SCYL2: variants seen among roughly 807,000 people sequenced by gnomAD.
SCYL2 encodes the protein SCY1 like pseudokinase 2.
Under a neutral mutation model 100.4 loss-of-function variants are expected in SCYL2, and 36 were observed. The observed-to-expected ratio is 0.36, with a 90% CI of 0.27 to 0.47. The LOEUF (loss-of-function observed/expected upper bound fraction) is 0.47. Ranked by LOEUF, SCYL2 falls within the 20% of genes least tolerant of loss-of-function variation. SCYL2 has a pLI of 1.00. For synonymous variants in SCYL2, 330 were observed against 359.2 expected (o/e 0.92, Z 0.92); for missense variants, 902 against 1,083.9 (o/e 0.83, Z 2.36).
At chr12:100,303,462 G>A (rs950787255) in intron 4 of SCYL2, among the ~76,000 whole-genome samples, 2 of 151,382 alleles carry the variant, frequency 1.3e-5, no homozygotes, top group Admixed American at 6.6e-5. Flanking sequence ...TGATGTTGAT[G>A]TTTTCTGTTG....
In SCYL2 at chr12:100,314,531, T is replaced by A; in HGVS notation, c.1012T>A (p.Phe338Ile). ...TGTTGGTGCAGTAACACTGCAATAT[T>A]TTGATACCTTATTCCAAAGAGATAA... ...DDVGAVTLQYFDTLFQRDNLQ... is the reference protein window; with the variant it reads ...DDVGAVTLQYIDTLFQRDNLQ... The change falls in exon 8 of 18, where the codon TTT (phenylalanine) becomes ATT (isoleucine). Residue 338 changes from phenylalanine to isoleucine, a missense_variant. By Grantham distance (21) the Phe-to-Ile change is conservative (BLOSUM62 0). Coordinates refer to ENST00000360820, the MANE Select transcript of SCYL2 (RefSeq NM_017988.6). The A allele has an allele frequency of 6.3e-7, 1 of 1,596,846 alleles. No individual in the cohort carries two copies. Among genetic ancestry groups the A allele is most frequent in the Non-Finnish European group, 8.5e-7 (1 of 1,171,706 alleles).
chr12:100,318,827 T>G (rs144984816), intron 10 of SCYL2, among the ~76,000 whole-genome samples: 68 of 152,324 alleles, frequency 4.5e-4, no homozygotes, highest in East Asian at 4.2e-3. Context: ...GTTATAACTT[T>G]TGTTCCACAA....
chr12:100,326,548 A>C, intron 11 of SCYL2, 74 bp from the exon 12 acceptor site: 1 of 1,047,324 alleles, frequency 9.5e-7, no homozygotes, highest in Non-Finnish European at 1.4e-6. Context: ...TATGAAGATT[A>C]AGTTTACACT....
intron 13 of SCYL2, among the ~76,000 whole-genome samples, chr12:100,329,609 T>C (rs964503199): frequency 1.3e-5 from 2 of 151,982 alleles, no homozygotes; most frequent in Non-Finnish European, 2.9e-5. Flanking sequence ...GTTTGGGGAG[T>C]ATATTCATTA....
chr12:100,316,982 C>G (rs1208480172), intron 9 of SCYL2, among the ~76,000 whole-genome samples: 3 of 152,104 alleles, frequency 2.0e-5, no homozygotes, highest in South Asian at 2.1e-4. Flanking sequence ...GTGGTCCCAG[C>G]TACTCAGGAG....
intron 3 of SCYL2, among the ~76,000 whole-genome samples, chr12:100,295,838 G>A (rs1332526914): frequency 1.3e-5 from 2 of 151,998 alleles, no homozygotes; most frequent in Non-Finnish European, 2.9e-5. Flanking sequence ...GAGCTGCAAG[G>A]GGAATGGACA....
intron 11 of SCYL2, 157 bp downstream of exon 11, chr12:100,323,795 C>T: frequency 2.2e-6 from 1 of 445,892 alleles, no homozygotes; most frequent in Non-Finnish European, 3.9e-6. Context: ...CTGTAGTTTT[C>T]TTTGATACAT....
chr12:100,319,262 C>T (rs765103869), intron 10 of SCYL2: 3 of 455,798 alleles, frequency 6.6e-6, no homozygotes, highest in South Asian at 4.6e-5. Context: ...TGCCTTTGTC[C>T]AAATGACATG....
At chr12:100,334,015 A>G (rs1450996545) in intron 13 of SCYL2, 151 bp from the exon 14 acceptor site, 1 of 535,006 alleles carries the variant, frequency 1.9e-6, no homozygotes, top group Non-Finnish European at 3.3e-6. Flanking sequence ...ATTTAAATGT[A>G]TCATTCTTAT....
At chr12:100,274,157 G>A (rs988598362) in intron 1 of SCYL2, among the ~76,000 whole-genome samples, 21 of 152,154 alleles carry the variant, frequency 1.4e-4, no homozygotes, top group African/African-American at 4.8e-4. Flanking sequence ...AGAAGAAAGT[G>A]GGTTATATTT....
intron 4 of SCYL2, among the ~76,000 whole-genome samples, chr12:100,309,170 T>C (rs1357649934): frequency 1.3e-5 from 2 of 151,962 alleles, no homozygotes; most frequent in Admixed American, 6.6e-5. Context: ...TAAAATTTGG[T>C]GTTCCTGCGC....
At chr12:100,311,279 C>G (rs1265060268) in intron 5 of SCYL2, 86 bp downstream of exon 5, 1 of 1,358,434 alleles carries the variant, frequency 7.4e-7, no homozygotes, top group Non-Finnish European at 9.9e-7. Context: ...CTATGTGGTA[C>G]AGTGGTATGT....
intron 4 of SCYL2, among the ~76,000 whole-genome samples, chr12:100,300,385 A>G (rs954578183): frequency 2.0e-5 from 3 of 152,194 alleles, no homozygotes; most frequent in African/African-American, 7.2e-5. Flanking sequence ...CATAGTAGGT[A>G]TATATACTTA....
At chr12:100,335,223 A>G (rs768701501) in intron 14 of SCYL2, among the ~76,000 whole-genome samples, 24 of 152,186 alleles carry the variant, frequency 1.6e-4, no homozygotes, top group South Asian at 4.1e-4. Flanking sequence ...AATCTTACCT[A>G]TTTCTCAGGA....
rs1839865632 is a variant in SCYL2, at chr12:100,314,499, T to G, written c.980T>G (p.Phe327Cys). 6.3e-7 allele frequency: 1 copy of G among 1,581,432 alleles called. No individual in the cohort carries two copies. Among genetic ancestry groups the G allele is most frequent in the African/African-American group, 1.4e-5 (1 of 73,568 alleles). Residue 327 changes from phenylalanine (F) to cysteine (C), a missense_variant, in exon 8 of 18, where the codon TTT (phenylalanine) becomes TGT (cysteine). Coordinates refer to ENST00000360820, the MANE Select transcript of SCYL2 (RefSeq NM_017988.6). The stretch of plus-strand genomic sequence containing the variant: ...TTCCATTTTTTTTAGATTCCCTTCT[T>G]TGATGATGTTGGTGCAGTAACACTG... The part of the protein sequence containing the change: ...DADQMTKIPF[F>C]DDVGAVTLQY...
intron 14 of SCYL2, 33 bp downstream of exon 14, chr12:100,334,299 C>T (rs181672002): frequency 8.7e-5 from 103 of 1,187,396 alleles, no homozygotes; most frequent in Middle Eastern, 1.9e-4. Context: ...ATATGTGGTC[C>T]GGGAGTGAAA....
rs1416486930 is a variant in SCYL2, at chr12:100,329,274, T to G, written c.1716T>G (p.Pro572=). The change falls in exon 13 of 18, where the codon CCT becomes CCG. Residue 572 remains proline (P), a synonymous_variant. Coordinates refer to ENST00000360820, the MANE Select transcript of SCYL2 (RefSeq NM_017988.6). ...TKEQLAGKVL[P]HLIPLSIENN... ...AGCAGCTGGCCGGAAAAGTGTTGCCTCATCTTATTCCCCTGAGTATTGAAA... is the reference window on the plus strand; with the variant it reads ...AGCAGCTGGCCGGAAAAGTGTTGCCGCATCTTATTCCCCTGAGTATTGAAA... 6.2e-7 allele frequency: 1 copy of G among 1,605,208 alleles called. No homozygotes were observed. Among genetic ancestry groups the G allele is most frequent in the Non-Finnish European group, 8.5e-7 (1 of 1,172,140 alleles).
At chr12:100,273,824 G>A (rs1186967858) in intron 1 of SCYL2, among the ~76,000 whole-genome samples, 3 of 152,174 alleles carry the variant, frequency 2.0e-5, no homozygotes, top group Admixed American at 2.0e-4. Flanking sequence ...CTCTTTGGAG[G>A]ACTGAGTCTG....
intron 2 of SCYL2, among the ~76,000 whole-genome samples, chr12:100,290,878 TGAAAG>T (rs1321964584): frequency 2.0e-5 from 3 of 152,104 alleles, no homozygotes; most frequent in South Asian, 4.1e-4. Context: ...TGAGGAATAA[TGAAAG>T]GAAGAAGATG....
Sources: allele counts gnomAD v4.1 joint callset (sites outside exome capture counted in the v4.1 genomes callset), GRCh38; gene constraint gnomAD v4.1.1; transcripts MANE v1.5; gene names NCBI Gene and HGNC (gene_info 2026-07-23, HGNC 2026-07-21).